The following CPM variants were observed in gnomAD, a reference collection of about 807,000 sequenced individuals.
CPM encodes the protein carboxypeptidase M.
In CPM, 35 loss-of-function variants were observed where a neutral mutation model predicts 46.4. The ratio of observed to expected loss-of-function variants is 0.75; its 90% CI spans 0.58 to 1.00. CPM has a LOEUF of 1.00. CPM is among the 50% of genes least tolerant of loss of function. CPM has a pLI of 0.00. For synonymous variants in CPM, 195 were observed against 195.3 expected, an observed-to-expected ratio of 1.00 and a Z score of 0.01; for missense variants, 422 against 530.4, an observed-to-expected ratio of 0.80 and a Z score of 2.01.
At chr12:68,905,902 C>T (rs183640121) in intron 2 of CPM, among the ~76,000 whole-genome samples, 1 of 152,254 alleles carries the variant, frequency 6.6e-6, no homozygotes, top group East Asian at 1.9e-4. Flanking sequence ...GTCTCAGATC[C>T]TCCTGGGGAA....
chr12:68,885,801 A>C lies in CPM; in HGVS notation c.249T>G (p.His83Gln). The change falls in exon 3 of 9, where the codon CAT becomes CAG. Residue 83 changes from histidine to glutamine, a missense_variant. By Grantham distance (24) the His-to-Gln change is conservative (BLOSUM62 0). Transcript: ENST00000551568. ...CAAGCCACATACGTACCTCATCTCC[A>C]TGCATATTTGCCACGTATTTGAACT... ...IPEFKYVANM[H>Q]GDETVGRELL... 1 of 1,613,482 alleles carries C rather than the reference A, an allele frequency of 6.2e-7. No individual in the cohort carries two copies. The highest frequency in any genetic ancestry group is 8.5e-7 in the Non-Finnish European group (1 of 1,179,540).
rs113815952 is a variant in CPM, at chr12:68,883,087, C to G, written c.258+2705G>C. ...AAATAGTGTGGCCAATTCTGTCCAC[C>G]CTGCCACTCAGTGTGTATGTGTTCC... On this transcript the variant is annotated intron_variant, in intron 3 of 8. Transcript: ENST00000551568. Among the ~76,000 whole-genome samples, 1,264 of 152,238 alleles carry G rather than the reference C, an allele frequency of 8.3e-3. 17 individuals are homozygous for G. The highest frequency in any genetic ancestry group is 0.028 in the African/African-American group (1,161 of 41,512).
At chr12:68,942,564 A>G (rs1367679315) in intron 1 of CPM, among the ~76,000 whole-genome samples, 3 of 152,144 alleles carry the variant, frequency 2.0e-5, no homozygotes, top group Non-Finnish European at 4.4e-5. Context: ...TCATTTCCTT[A>G]TCAATTATTT....
rs191109498 is a variant in CPM, at chr12:68,953,735, A to G, written c.-4+9434T>C. Among the ~76,000 whole-genome samples the G allele has an allele frequency of 3.0e-3, 455 of 152,348 alleles. 1 individual carries two copies. Among genetic ancestry groups the G allele is most frequent in the Non-Finnish European group, 5.2e-3 (351 of 68,038 alleles). ...TCATCTGTGTGTCTCCTTCAGTGGC[A>G]GGCACAGCCTCTTCTGTTTACTATC... is the stretch of plus-strand genomic sequence containing the variant. On this transcript the variant is annotated intron_variant, in intron 1 of 8. Coordinates refer to the CPM transcript ENST00000546373.
At chr12:68,889,705 T>C (rs566150696) in intron 2 of CPM, among the ~76,000 whole-genome samples, 14 of 152,252 alleles carry the variant, frequency 9.2e-5, no homozygotes, top group African/African-American at 3.4e-4. Context: ...GGCATGTGTC[T>C]GTAATCCTAG....
At chr12:68,894,763 G>A (rs1426923483) in intron 2 of CPM, among the ~76,000 whole-genome samples, 2 of 152,078 alleles carry the variant, frequency 1.3e-5, no homozygotes, top group Non-Finnish European at 1.5e-5. Context: ...GGCCAGGTGT[G>A]GTGGCTCATG....
chr12:68,847,501 C>T (rs1180217195), downstream of CPM: 3 of 134,970 alleles, frequency 2.2e-5, no homozygotes, highest in Admixed American at 7.5e-5. Context: ...TAGCCCAGGC[C>T]GGATTGCAGT....
chr12:68,913,373 T>G (rs967835976), intron 2 of CPM, among the ~76,000 whole-genome samples: 3 of 152,202 alleles, frequency 2.0e-5, no homozygotes. Flanking sequence ...AGTAACTCTG[T>G]CTGCCCAGAG....
At chr12:68,890,075 G>A (rs1358724752) in intron 2 of CPM, among the ~76,000 whole-genome samples, 3 of 152,092 alleles carry the variant, frequency 2.0e-5, no homozygotes, top group Admixed American at 6.5e-5. Context: ...ACACCGCCTC[G>A]TGTTTTCTGT....
chr12:68,852,601 G>GAGTGC lies in CPM; in HGVS notation c.*3831_*3835dup, dbSNP rs1483660148. 2.0e-5 allele frequency: 3 copies of GAGTGC among 151,374 alleles called. No homozygotes were observed. The highest frequency in any genetic ancestry group is 3.2e-3 in the Middle Eastern group (1 of 314). 9.4% of individuals were successfully genotyped at this position (151,374 alleles called of 1,614,324 possible). On this transcript the variant is annotated 3_prime_UTR_variant, in exon 9 of 9. Coordinates refer to ENST00000551568, the MANE Select transcript of CPM (RefSeq NM_198320.5). ...GAGGTTCGCTCTGTCACCCCGGCTG[G>GAGTGC]AGTGCAGTGCAGTGATGTGATCTTG...
At chr12:68,903,853 CCTT>C in intron 2 of CPM, among the ~76,000 whole-genome samples, 1 of 151,804 alleles carries the variant, frequency 6.6e-6, no homozygotes, top group Admixed American at 6.6e-5. Flanking sequence ...TCCCTCCCTC[CCTT>C]CTTCCCTCCC....
At chr12:68,954,914 G>A (rs940659449) in intron 1 of CPM, among the ~76,000 whole-genome samples, 4 of 152,204 alleles carry the variant, frequency 2.6e-5, no homozygotes, top group African/African-American at 9.6e-5. Flanking sequence ...CAGAAGCCAT[G>A]TGCAGTACGT....
chr12:68,885,427 C>T (rs780355312), intron 3 of CPM, among the ~76,000 whole-genome samples: 26 of 152,152 alleles, frequency 1.7e-4, no homozygotes, highest in Non-Finnish European at 3.8e-4. Flanking sequence ...CAATACAGCT[C>T]CTTTGCTGGG....
At position 68,856,664 on chromosome 12, in the gene CPM, G is replaced by T. The variant is rs1227964944; in HGVS notation, c.1105C>A (p.His369Asn). 1.9e-6 allele frequency: 3 copies of T among 1,614,098 alleles called. No individual in the cohort carries two copies. Among genetic ancestry groups the T allele is most frequent in the Non-Finnish European group, 2.5e-6 (3 of 1,179,942 alleles). The change falls in exon 9 of 9, where the codon CAT becomes AAT. Residue 369 changes from histidine to asparagine, a missense_variant. Coordinates refer to ENST00000551568, the MANE Select transcript of CPM (RefSeq NM_198320.5). ...SYIINVTVPG[H>N]DPHITKVIIP... The stretch of plus-strand genomic sequence containing the variant: ...ATCACCTTTGTGATGTGTGGATCAT[G>T]TCCAGGGACTGTAACCTGAGAAGAA...
At chr12:68,909,597 C>G (rs561799875) in intron 2 of CPM, among the ~76,000 whole-genome samples, 2 of 152,096 alleles carry the variant, frequency 1.3e-5, no homozygotes, top group Admixed American at 6.5e-5. Flanking sequence ...AAATGTCCAT[C>G]AATGATAGAC....
intron 1 of CPM, among the ~76,000 whole-genome samples, chr12:68,945,123 G>T (rs185334058): frequency 6.6e-6 from 1 of 152,188 alleles, no homozygotes; most frequent in African/African-American, 2.4e-5. Context: ...GAGCAGTAAG[G>T]GATTATAAAA....
At chr12:68,961,416 G>T (rs978748505) in intron 1 of CPM, among the ~76,000 whole-genome samples, 2 of 152,028 alleles carry the variant, frequency 1.3e-5, no homozygotes, top group African/African-American at 4.8e-5. Flanking sequence ...AGAGTGCTGG[G>T]ATTACAGATG....
intron 2 of CPM, chr12:68,913,886 A>G: frequency 1.4e-6 from 1 of 691,040 alleles, no homozygotes; most frequent in Non-Finnish European, 2.8e-6. Context: ...CAGTTCCTTG[A>G]CCTCAGTATG....
chr12:68,852,889 C>T lies in CPM; in HGVS notation c.*3548G>A, dbSNP rs916937218. Reference sequence around the variant, plus strand: ...TGCTTTCTAAATACCATTTCACTCCCACATTTTTCTCCCATCATGAAAGTG... The same window carrying T: ...TGCTTTCTAAATACCATTTCACTCCTACATTTTTCTCCCATCATGAAAGTG... On this transcript the variant is annotated 3_prime_UTR_variant, in exon 9 of 9. Transcript: ENST00000551568. The T allele has an allele frequency of 1.3e-5, 2 of 152,082 alleles. No homozygotes were observed. The highest frequency in any genetic ancestry group is 4.8e-5 in the African/African-American group (2 of 41,406). 9.4% of individuals were successfully genotyped at this position (152,082 alleles called of 1,614,324 possible). A position where few individuals can be genotyped will look rare whatever the true frequency, so the allele number is the denominator to read the frequency against.
Sources: allele counts gnomAD v4.1 joint callset (sites outside exome capture counted in the v4.1 genomes callset), GRCh38; gene constraint gnomAD v4.1.1; transcripts MANE v1.5; gene names NCBI Gene and HGNC (gene_info 2026-07-23, HGNC 2026-07-21).